Variants in GOLPH3L observed in about 807,000 individuals in gnomAD.
GOLPH3L encodes golgi phosphoprotein 3 like.
GOLPH3L carries 22 observed loss-of-function variants against 30.3 expected under a neutral mutation model. That is an observed-to-expected ratio of 0.73 (90% confidence interval 0.52 to 1.04). The LOEUF (loss-of-function observed/expected upper bound fraction) is 1.04, where lower values mean the gene tolerates loss of function less well. Ranked by LOEUF, GOLPH3L falls within the 50% of genes least tolerant of loss-of-function variation. GOLPH3L has a pLI of 0.00. For missense variants in GOLPH3L, 303 were observed against 345.8 expected (o/e 0.88, Z 0.98); for synonymous variants, 120 against 128.2 (o/e 0.94, Z 0.43).
chr1:150,663,874 A>G (rs1422629272), intron 2 of GOLPH3L, 111 bp from the exon 3 acceptor site: 11 of 779,196 alleles, frequency 1.4e-5, no homozygotes, highest in African/African-American at 3.5e-5. Flanking sequence ...ATCATACTAC[A>G]TGAACTCAAA....
At chr1:150,666,427 C>T (rs145713490) in intron 2 of GOLPH3L, among the ~76,000 whole-genome samples, 9,032 of 152,214 alleles carry the variant, frequency 0.059, 348 homozygotes, top group Middle Eastern at 0.099. Context: ...TCACTGCAAC[C>T]TCCGTCTCCC....
At chr1:150,659,266 C>T (rs1484119638) in intron 4 of GOLPH3L, among the ~76,000 whole-genome samples, 1 of 152,132 alleles carries the variant, frequency 6.6e-6, no homozygotes, top group East Asian at 1.9e-4. Flanking sequence ...ATAAACTGGC[C>T]CCAAAACTGG....
intron 2 of GOLPH3L, among the ~76,000 whole-genome samples, chr1:150,666,792 TTTTA>T (rs1053652630): frequency 6.6e-6 from 1 of 152,170 alleles, no homozygotes. Context: ...TTTGTGATTA[TTTTA>T]TTTCTTTAAA....
chr1:150,659,145 G>A (rs1485433504), intron 4 of GOLPH3L, among the ~76,000 whole-genome samples: 2 of 152,228 alleles, frequency 1.3e-5, no homozygotes, highest in African/African-American at 4.8e-5. Context: ...TGCAGGTGTG[G>A]ATCCTGACTT....
chr1:150,651,642 C>CAAAAAAAAAAAAAAAAAAAAAAG (rs1650108026), intron 4 of GOLPH3L, among the ~76,000 whole-genome samples: 1 of 60,852 alleles, frequency 1.6e-5, no homozygotes, highest in Admixed American at 2.1e-4. Flanking sequence ...GAGCGAAACT[C>CAAAAAAAAAAAAAAAAAAAAAAG]AAAAAAAAAA....
intron 2 of GOLPH3L, among the ~76,000 whole-genome samples, chr1:150,693,159 C>T (rs994554583): frequency 6.6e-6 from 1 of 152,066 alleles, no homozygotes; most frequent in African/African-American, 2.4e-5. Flanking sequence ...AAGCATGTCT[C>T]TAATATTAGT....
intron 4 of GOLPH3L, among the ~76,000 whole-genome samples, chr1:150,661,026 G>A (rs190311917): frequency 2.5e-3 from 373 of 152,220 alleles, no homozygotes; most frequent in Non-Finnish European, 2.4e-3. Flanking sequence ...TCAAGAGTTC[G>A]AGACAAGCCT....
intron 2 of GOLPH3L, among the ~76,000 whole-genome samples, chr1:150,683,823 T>A (rs901845501): frequency 1.3e-5 from 2 of 150,876 alleles, no homozygotes; most frequent in African/African-American, 4.9e-5. Context: ...GAGAGTGAGC[T>A]GTCCTTCAGG....
At chr1:150,693,797 A>ATGTATGTGTGTGTGTGTG (rs1553189136) in intron 2 of GOLPH3L, among the ~76,000 whole-genome samples, 1 of 60,970 alleles carries the variant, frequency 1.6e-5, no homozygotes, top group Non-Finnish European at 2.6e-5. Context: ...TTGTTTATGT[A>ATGTATGTGTGTGTGTGTG]TGTGTGTGTG....
intron 3 of GOLPH3L, among the ~76,000 whole-genome samples, chr1:150,662,780 T>C (rs1435074671): frequency 6.6e-6 from 1 of 152,124 alleles, no homozygotes; most frequent in African/African-American, 2.4e-5. Flanking sequence ...AAATGACACA[T>C]ATAGGTTAAA....
intron 2 of GOLPH3L, among the ~76,000 whole-genome samples, chr1:150,671,134 C>G (rs1650634046): frequency 6.6e-6 from 1 of 151,390 alleles, no homozygotes; most frequent in South Asian, 2.1e-4. Flanking sequence ...CCCAGCTACT[C>G]AGGAGGGTGA....
chr1:150,682,789 G>C (rs956345901), intron 2 of GOLPH3L, among the ~76,000 whole-genome samples: 4 of 151,848 alleles, frequency 2.6e-5, no homozygotes, highest in African/African-American at 9.7e-5. Context: ...AAATAAAAAA[G>C]AGAATACAGT....
intron 2 of GOLPH3L, among the ~76,000 whole-genome samples, chr1:150,675,114 G>C (rs1650741896): frequency 6.6e-6 from 1 of 152,002 alleles, no homozygotes; most frequent in East Asian, 1.9e-4. Context: ...ACCTGGCCTC[G>C]AGTGATCCTC....
At chr1:150,675,023 G>A (rs1421572359) in intron 2 of GOLPH3L, among the ~76,000 whole-genome samples, 1 of 152,046 alleles carries the variant, frequency 6.6e-6, no homozygotes, top group Non-Finnish European at 1.5e-5. Context: ...GACTACAGGT[G>A]TGTACCACCA....
intron 2 of GOLPH3L, among the ~76,000 whole-genome samples, chr1:150,670,529 G>A (rs916658769): frequency 2.5e-4 from 38 of 152,034 alleles, no homozygotes; most frequent in Non-Finnish European, 3.7e-4. Flanking sequence ...CCCAGGAGGC[G>A]GAGCTTGCAG....
intron 4 of GOLPH3L, among the ~76,000 whole-genome samples, chr1:150,656,008 GA>G (rs1379410080): frequency 6.6e-6 from 1 of 152,192 alleles, no homozygotes; most frequent in Non-Finnish European, 1.5e-5. Context: ...GTTTTCACTG[GA>G]AAGTGTTGCC....
rs79514286 is a variant in GOLPH3L, at chr1:150,693,842, T to C, written c.183+814A>G. Among the ~76,000 whole-genome samples the C allele has an allele frequency of 3.3e-3, 282 of 86,672 alleles. 2 individuals carry two copies. Among genetic ancestry groups the C allele is most frequent in the Middle Eastern group, 0.015 (3 of 196 alleles). 56.9% of individuals were successfully genotyped at this position (86,672 alleles called of 152,430 possible). On this transcript the variant is annotated intron_variant, in intron 2 of 4. Transcript: ENST00000271732. ...GTGTATATATATATATATATATATA[T>C]ATATATTTTTTTTTTTTTTTTTTTT...
chr1:150,659,713 G>C (rs757492713), intron 4 of GOLPH3L, among the ~76,000 whole-genome samples: 1 of 151,918 alleles, frequency 6.6e-6, no homozygotes, highest in African/African-American at 2.4e-5. Flanking sequence ...AGCTGGTCTC[G>C]GCAAGATTAA....
At chr1:150,690,015 C>T (rs1235112545) in intron 2 of GOLPH3L, among the ~76,000 whole-genome samples, 1 of 151,664 alleles carries the variant, frequency 6.6e-6, no homozygotes, top group African/African-American at 2.4e-5. Flanking sequence ...AAGACAGGGT[C>T]TCACTCTGTC....
Sources: allele counts gnomAD v4.1 joint callset (sites outside exome capture counted in the v4.1 genomes callset), GRCh38; gene constraint gnomAD v4.1.1; transcripts MANE v1.5; gene names NCBI Gene and HGNC (gene_info 2026-07-23, HGNC 2026-07-21).